BCAS4: variants seen among roughly 807,000 people sequenced by gnomAD.
BCAS4 encodes breast carcinoma amplified sequence 4.
Under a neutral mutation model 15.7 loss-of-function variants are expected in BCAS4, and 9 were observed. The observed-to-expected ratio is 0.57, with a 90% CI of 0.34 to 1.00. BCAS4 has a LOEUF of 1.00. Among genes scored for constraint, BCAS4 ranks in the 50% least tolerant of loss-of-function variants. The pLI is 0.02. For missense variants in BCAS4, 225 were observed against 239.1 expected, an observed-to-expected ratio of 0.94 and a Z score of 0.39; for synonymous variants, 101 against 99.5, an observed-to-expected ratio of 1.02 and a Z score of -0.09.
intron 3 of BCAS4, among the ~76,000 whole-genome samples, chr20:50,833,598 A>G (rs75000707): frequency 0.011 from 1,736 of 152,320 alleles, 35 homozygotes; most frequent in African/African-American, 0.04. Flanking sequence ...GCGCTGATCT[A>G]GAGCTGCATA....
At chr20:50,860,876 AAAAT>A (rs1275754024) in intron 4 of BCAS4, among the ~76,000 whole-genome samples, 1 of 152,102 alleles carries the variant, frequency 6.6e-6, no homozygotes. Flanking sequence ...CCATCTCAAA[AAAAT>A]AAATAAAAGA....
At chr20:50,804,611 C>G (rs2087968202) in intron 1 of BCAS4, among the ~76,000 whole-genome samples, 1 of 152,186 alleles carries the variant, frequency 6.6e-6, no homozygotes, top group South Asian at 2.1e-4. Context: ...AGGACACATG[C>G]ATTTTAGACA....
chr20:50,847,048 G>T (rs2088554542), intron 4 of BCAS4, among the ~76,000 whole-genome samples: 1 of 152,088 alleles, frequency 6.6e-6, no homozygotes, highest in Non-Finnish European at 1.5e-5. Context: ...AAATGATGAG[G>T]GCCCACGCTA....
At chr20:50,863,696 G>A (rs897079795) in intron 4 of BCAS4, among the ~76,000 whole-genome samples, 2 of 152,190 alleles carry the variant, frequency 1.3e-5, no homozygotes, top group Non-Finnish European at 2.9e-5. Context: ...GTTGGTGGCC[G>A]GACTGTAGCC....
At chr20:50,825,790 T>C (rs2088271308) in intron 2 of BCAS4, among the ~76,000 whole-genome samples, 1 of 152,000 alleles carries the variant, frequency 6.6e-6, no homozygotes, top group Non-Finnish European at 1.5e-5. Context: ...GGCAAGAGAA[T>C]CACTTGAACC....
intron 4 of BCAS4, among the ~76,000 whole-genome samples, chr20:50,849,623 G>A (rs1446508829): frequency 6.6e-6 from 1 of 152,184 alleles, no homozygotes; most frequent in Admixed American, 6.5e-5. Context: ...TGGGGACTGT[G>A]GCGAATTGCA....
At chr20:50,836,032 C>T (rs531178756) in intron 3 of BCAS4, among the ~76,000 whole-genome samples, 18 of 152,184 alleles carry the variant, frequency 1.2e-4, no homozygotes, top group Non-Finnish European at 2.2e-4. Flanking sequence ...ATTCTCCTGC[C>T]TCAGCCTCCT....
intron 4 of BCAS4, among the ~76,000 whole-genome samples, chr20:50,862,247 T>G (rs1384365368): frequency 6.6e-6 from 1 of 152,148 alleles, no homozygotes; most frequent in Non-Finnish European, 1.5e-5. Context: ...CTCTTGTTTT[T>G]GGCACTTGCT....
chr20:50,878,402 T>C (rs1980042965), downstream of BCAS4: 1 of 152,236 alleles, frequency 6.6e-6, no homozygotes, highest in South Asian at 2.1e-4. Context: ...ACTCCTGACC[T>C]CAGGTGATCC....
chr20:50,804,742 C>T (rs2087969834), intron 1 of BCAS4, among the ~76,000 whole-genome samples: 1 of 152,194 alleles, frequency 6.6e-6, no homozygotes. Context: ...GCAGAGTAGT[C>T]AGCCCCTTCT....
chr20:50,840,726 A>G, intron 3 of BCAS4: 1 of 1,612,478 alleles, frequency 6.2e-7, no homozygotes, highest in Non-Finnish European at 8.5e-7. Context: ...TCTCGATCTC[A>G]GCCATATCGG....
chr20:50,844,800 C>T (rs1226180078), intron 4 of BCAS4, among the ~76,000 whole-genome samples: 2 of 152,294 alleles, frequency 1.3e-5, no homozygotes, highest in Non-Finnish European at 2.9e-5. Flanking sequence ...CTCTCCTCTC[C>T]GCCACACTGG....
chr20:50,809,197 AT>A (rs1416116815), intron 1 of BCAS4, among the ~76,000 whole-genome samples: 1 of 142,748 alleles, frequency 7.0e-6, no homozygotes, highest in Non-Finnish European at 1.5e-5. Flanking sequence ...CTATGTGCCT[AT>A]TTTTTTAATT....
At chr20:50,873,446 GC>G (rs1979756885) in intron 4 of BCAS4, among the ~76,000 whole-genome samples, 1 of 152,196 alleles carries the variant, frequency 6.6e-6, no homozygotes, top group Non-Finnish European at 1.5e-5. Context: ...ACACTCTTTG[GC>G]CCCTAGTCAT....
intron 1 of BCAS4, among the ~76,000 whole-genome samples, chr20:50,810,837 G>T (rs892915273): frequency 1.3e-5 from 2 of 152,028 alleles, no homozygotes; most frequent in Non-Finnish European, 2.9e-5. Context: ...TGATCTGTCC[G>T]CCTCGGCCCC....
chr20:50,862,743 G>A (rs1979150770), intron 4 of BCAS4, among the ~76,000 whole-genome samples: 1 of 151,782 alleles, frequency 6.6e-6, no homozygotes, highest in Non-Finnish European at 1.5e-5. Context: ...ATAGCTCTAG[G>A]GAAGGAATTT....
At chr20:50,842,073 G>T (rs1341903499) in intron 4 of BCAS4, among the ~76,000 whole-genome samples, 173 bp downstream of exon 4, 2 of 152,214 alleles carry the variant, frequency 1.3e-5, no homozygotes, top group African/African-American at 4.8e-5. Flanking sequence ...TCCCCTGTGA[G>T]CCCTGGGCTG....
Position 50,837,423 on chromosome 20 carries a change from AG to A in BCAS4, c.265-4337del, listed in dbSNP as rs201890391. On this transcript the variant is annotated intron_variant, in intron 3 of 4. Coordinates refer to ENST00000371608, the MANE Select transcript of BCAS4 (RefSeq NM_198799.4). ...GCAACATGGCAAGACCCCTGTGTCC[AG>A]GGGGGAAAATGTGTTCAAATTCCTC... Among the ~76,000 whole-genome samples, 937 of 152,308 alleles carry A rather than the reference AG, an allele frequency of 6.2e-3. 7 individuals carry two copies. The highest frequency in any genetic ancestry group is 0.021 in the African/African-American group (868 of 41,566).
At chr20:50,824,192 T>G (rs2088250445) in intron 2 of BCAS4, among the ~76,000 whole-genome samples, 1 of 152,250 alleles carries the variant, frequency 6.6e-6, no homozygotes, top group Non-Finnish European at 1.5e-5. Flanking sequence ...CCTCTGAAAC[T>G]CCAGTGGCCT....
Sources: allele counts gnomAD v4.1 joint callset (sites outside exome capture counted in the v4.1 genomes callset), GRCh38; gene constraint gnomAD v4.1.1; transcripts MANE v1.5; gene names NCBI Gene and HGNC (gene_info 2026-07-23, HGNC 2026-07-21).